The following TWIST2 variants were observed in gnomAD, a reference collection of about 807,000 sequenced individuals.
TWIST2 encodes the protein twist-related protein 2.
A neutral mutation model predicts 11.6 loss-of-function variants in TWIST2; 1 was observed. The observed-to-expected ratio is 0.09, with a 90% CI of 0.03 to 0.41. The LOEUF (loss-of-function observed/expected upper bound fraction) is 0.41, where lower values mean the gene tolerates loss of function less well. TWIST2 is among the 10% of genes least tolerant of loss of function. The probability of loss-of-function intolerance (pLI) is 0.98; values close to 1 mark genes in which losing one functional copy is unlikely to be tolerated. For synonymous variants in TWIST2, 87 were observed against 96.6 expected (o/e 0.90, Z 0.58); for missense variants, 168 against 226.4 (o/e 0.74, Z 1.66).
intron 1 of TWIST2, among the ~76,000 whole-genome samples, chr2:238,903,128 TG>T: frequency 6.9e-6 from 1 of 144,032 alleles, no homozygotes; most frequent in Non-Finnish European, 1.5e-5. Context: ...GTGTGTGATG[TG>T]GGGTGTGTGT....
rs1001151903 is a variant in TWIST2 at position 238,895,674 on chromosome 2, C to T, written c.*36-14168C>T. Among the ~76,000 whole-genome samples the T allele has an allele frequency of 1.7e-4, 26 of 152,302 alleles. No homozygotes were observed. The East Asian group carries it at 2.1e-3, about 12-fold the overall frequency. ...TCATCGTGGGGAAACGGGAAGGTCT[C>T]GCAGAGAGGAAGAGGGTGGGGTAGA... On this transcript the variant is annotated intron_variant, in intron 1 of 1. Transcript: ENST00000612363.
chr2:238,884,868 C>T (rs910998602), intron 1 of TWIST2, among the ~76,000 whole-genome samples: 3 of 152,190 alleles, frequency 2.0e-5, no homozygotes, highest in South Asian at 4.1e-4. Flanking sequence ...GGCTGAGCTG[C>T]GCACACCCAG....
chr2:238,899,672 G>T (rs1693245573), intron 1 of TWIST2, among the ~76,000 whole-genome samples: 1 of 152,208 alleles, frequency 6.6e-6, no homozygotes, highest in Non-Finnish European at 1.5e-5. Context: ...TTTCCAAATG[G>T]TAACATTCTG....
chr2:238,867,353 T>TA lies in TWIST2; in HGVS notation c.*35+18624dup, dbSNP rs890166461. Reference sequence around the variant, plus strand: ...TGGGATGGAAGATTATTCTGGGGAGTAAAATGTCCTGCCTTCAACACACAC... The same window carrying TA: ...TGGGATGGAAGATTATTCTGGGGAGTAAAAATGTCCTGCCTTCAACACACAC... On this transcript the variant is annotated intron_variant, in intron 1 of 1. Transcript: ENST00000612363. This position sits in a 1 kb window ranked among gnomAD's most constrained non-coding sequence, Gnocchi z 4.8. Among the ~76,000 whole-genome samples, 9 of 128,486 alleles carry TA rather than the reference T, an allele frequency of 7.0e-5. No homozygotes were observed. Among genetic ancestry groups the TA allele is most frequent in the African/African-American group, 2.1e-4 (7 of 32,782 alleles). 84.3% of individuals were successfully genotyped at this position (128,486 alleles called of 152,430 possible). A position where few individuals can be genotyped will look rare whatever the true frequency, so the allele number is the denominator to read the frequency against.
chr2:238,881,397 A>G (rs549710518), intron 1 of TWIST2, among the ~76,000 whole-genome samples: 9 of 151,204 alleles, frequency 6.0e-5, no homozygotes, highest in African/African-American at 1.9e-4. Flanking sequence ...GTTACTATTT[A>G]TTAGTGTCAG....
At chr2:238,877,811 G>A (rs960638939) in intron 1 of TWIST2, among the ~76,000 whole-genome samples, 1 of 152,024 alleles carries the variant, frequency 6.6e-6, no homozygotes, top group East Asian at 1.9e-4. Flanking sequence ...TTATTTTCAG[G>A]TGCACCTGGA....
intron 1 of TWIST2, among the ~76,000 whole-genome samples, chr2:238,897,756 C>G (rs1386987905): frequency 6.6e-6 from 1 of 152,226 alleles, no homozygotes. Flanking sequence ...AGGTGGCCAG[C>G]TTCATGCTGG....
At chr2:238,899,241 C>T (rs1199826813) in intron 1 of TWIST2, among the ~76,000 whole-genome samples, 1 of 152,266 alleles carries the variant, frequency 6.6e-6, no homozygotes, top group African/African-American at 2.4e-5. Context: ...ATTGTAGTCC[C>T]TCTTTCAACA....
chr2:238,851,544 A>AT (rs1325327582), intron 1 of TWIST2, among the ~76,000 whole-genome samples: 1 of 151,160 alleles, frequency 6.6e-6, no homozygotes, highest in Non-Finnish European at 1.5e-5. Flanking sequence ...GTGTGCACAG[A>AT]TTTTCAGTAG....
chr2:238,905,942 T>TGCGCGC (rs1307469908), intron 1 of TWIST2, among the ~76,000 whole-genome samples: 16 of 109,732 alleles, frequency 1.5e-4, no homozygotes, highest in Admixed American at 4.8e-4. Context: ...CGCGTGTGTG[T>TGCGCGC]GCGCGCGCGT....
At chr2:238,890,086 C>T (rs1693105281) in intron 1 of TWIST2, among the ~76,000 whole-genome samples, 1 of 152,222 alleles carries the variant, frequency 6.6e-6, no homozygotes, top group Non-Finnish European at 1.5e-5. Context: ...AGGATACGTT[C>T]TTAAAGACAT....
intron 1 of TWIST2, among the ~76,000 whole-genome samples, chr2:238,884,755 G>A (rs1448635198): frequency 3.3e-5 from 5 of 152,328 alleles, no homozygotes; most frequent in South Asian, 2.1e-4. Context: ...AATGTACCTC[G>A]CAGGCCTCCC....
intron 1 of TWIST2, among the ~76,000 whole-genome samples, chr2:238,852,652 AAC>A (rs898762111): frequency 1.1e-4 from 10 of 90,502 alleles, no homozygotes; most frequent in Admixed American, 9.2e-4. Context: ...CATAGCACTA[AAC>A]ACACACACAC....
intron 1 of TWIST2, chr2:238,887,191 G>C (rs1252722615): frequency 6.6e-6 from 1 of 151,942 alleles, no homozygotes; most frequent in African/African-American, 2.4e-5. Flanking sequence ...GGGGCGCCCG[G>C]TAATAACCCT....
At chr2:238,876,083 G>A (rs1692799815) in intron 1 of TWIST2, among the ~76,000 whole-genome samples, 1 of 152,222 alleles carries the variant, frequency 6.6e-6, no homozygotes. Context: ...TCAGTGAGCT[G>A]TGCTTGTCAG....
At chr2:238,897,251 G>A (rs1693217496) in intron 1 of TWIST2, among the ~76,000 whole-genome samples, 2 of 152,132 alleles carry the variant, frequency 1.3e-5, no homozygotes, top group Non-Finnish European at 1.5e-5. Context: ...TGGTCCTGTG[G>A]TGGGACTAAG....
rs1165890920 is a variant in TWIST2 at position 238,864,108 on chromosome 2, G to A, written c.*35+15375G>A. Among the ~76,000 whole-genome samples the A allele has an allele frequency of 6.6e-6, 1 of 151,998 alleles. No homozygotes were observed. The highest frequency in any genetic ancestry group is 6.6e-5 in the Admixed American group (1 of 15,256). Reference sequence around the variant, plus strand: ...GACGCATATTTCTGGCAAATTCTGGGACCACCTTTGCCAGATGACCAAATC... The same window carrying A: ...GACGCATATTTCTGGCAAATTCTGGAACCACCTTTGCCAGATGACCAAATC... On this transcript the variant is annotated intron_variant, in intron 1 of 1. Coordinates refer to ENST00000612363, the MANE Select transcript of TWIST2 (RefSeq NM_001271893.4). This position sits in a 1 kb window ranked among gnomAD's most constrained non-coding sequence, Gnocchi z 4.7.
chr2:238,890,410 G>C (rs994671344), intron 1 of TWIST2, among the ~76,000 whole-genome samples: 1 of 152,206 alleles, frequency 6.6e-6, no homozygotes, highest in Admixed American at 6.5e-5. Context: ...GACGGCCACT[G>C]AGAGCCCGTG....
rs547265962 is a variant in TWIST2, at chr2:238,887,842, C to T, written c.*36-22000C>T. Among the ~76,000 whole-genome samples the T allele has an allele frequency of 4.6e-5, 7 of 152,328 alleles. No homozygotes were observed. The South Asian group carries it at 8.3e-4, about 18-fold the overall frequency. ...CCAACCTGAATGAGCAAGAAGCAAACGACTGCTGCATGAACCTCCTGAGAT... is the reference window on the plus strand; with the variant it reads ...CCAACCTGAATGAGCAAGAAGCAAATGACTGCTGCATGAACCTCCTGAGAT... On this transcript the variant is annotated intron_variant, in intron 1 of 1. Transcript: ENST00000612363.
Sources: allele counts gnomAD v4.1 joint callset (sites outside exome capture counted in the v4.1 genomes callset), GRCh38; gene constraint gnomAD v4.1.1; non-coding constraint Gnocchi (gnomAD v3.1); transcripts MANE v1.5; gene names NCBI Gene and HGNC (gene_info 2026-07-23, HGNC 2026-07-21).